EPB41L3: variants seen among roughly 807,000 people sequenced by gnomAD.
EPB41L3 encodes erythrocyte membrane protein band 4.1 like 3.
EPB41L3 carries 57 observed loss-of-function variants against 127.1 expected under a neutral mutation model. The ratio of observed to expected loss-of-function variants is 0.45; its 90% CI spans 0.36 to 0.56. EPB41L3 has a LOEUF of 0.56. Among genes scored for constraint, EPB41L3 ranks in the 20% least tolerant of loss-of-function variants. The pLI, the probability that EPB41L3 is intolerant of heterozygous loss-of-function variation, is 0.00. For synonymous variants in EPB41L3, 572 were observed against 549.5 expected, an observed-to-expected ratio of 1.04 and a Z score of -0.57; for missense variants, 1,273 against 1,372.2, an observed-to-expected ratio of 0.93 and a Z score of 1.14.
In EPB41L3 at chr18:5,397,293, T is replaced by C. The variant is rs1388132249; in HGVS notation, c.2606A>G (p.Asp869Gly). 1 of 1,613,862 alleles carries C rather than the reference T, an allele frequency of 6.2e-7. No homozygotes were observed. Among genetic ancestry groups the C allele is most frequent in the Non-Finnish European group, 8.5e-7 (1 of 1,179,986 alleles). ...EERRVVHASG[D>G]ASYSAGDSGD... ...GCTGTCTCCCGCCGAGTAAGAAGCATCCCCACTCGCGTGCACCACACGCCG... is the reference window on the plus strand; with the variant it reads ...GCTGTCTCCCGCCGAGTAAGAAGCACCCCCACTCGCGTGCACCACACGCCG... The change falls in exon 18 of 23, where the codon GAT becomes GGT. Residue 869 changes from aspartate (D) to glycine (G), a missense_variant. Asp to Gly is a moderately conservative substitution (Grantham distance 94). This residue lies in a region of EPB41L3 where 765 missense variants were observed against 782.9 expected (regional missense o/e 0.98). Transcript: ENST00000341928. This position sits in a 1 kb window ranked among gnomAD's most constrained non-coding sequence, Gnocchi z 4.1.
chr18:5,491,212 T>TA (rs1358691660), intron 1 of EPB41L3, among the ~76,000 whole-genome samples: 1 of 152,184 alleles, frequency 6.6e-6, no homozygotes, highest in Admixed American at 6.5e-5. Flanking sequence ...GTGCAGGTCT[T>TA]AAACCCAGTC....
Position 5,572,767 on chromosome 18 carries a change from T to C in EPB41L3, c.-306+39573A>G, listed in dbSNP as rs369284548. Among the ~76,000 whole-genome samples the C allele has an allele frequency of 1.8e-3, 279 of 152,156 alleles. 1 individual carries two copies. The highest frequency in any genetic ancestry group is 0.012 in the South Asian group (58 of 4,812). On this transcript the variant is annotated intron_variant, in intron 3 of 21. Transcript: ENST00000545076. The stretch of plus-strand genomic sequence containing the variant: ...TTTTTAAAATTTTGTAAAGACCGGG[T>C]CTTGCTATGTTGCCCAGGCTTATCT...
chr18:5,444,346 T>C (rs1014489466), intron 4 of EPB41L3, among the ~76,000 whole-genome samples: 4 of 152,200 alleles, frequency 2.6e-5, no homozygotes, highest in African/African-American at 9.7e-5. Flanking sequence ...TGATTTCCGA[T>C]TTTCCTCATT....
chr18:5,488,909 T>C (rs2090228526), intron 2 of EPB41L3, 92 bp downstream of exon 2: 3 of 1,383,300 alleles, frequency 2.2e-6, no homozygotes, highest in African/African-American at 1.5e-5. Context: ...TGACCCCTCA[T>C]AGCTGCCTCT....
chr18:5,477,196 G>A (rs2087417188), intron 3 of EPB41L3, among the ~76,000 whole-genome samples: 1 of 152,220 alleles, frequency 6.6e-6, no homozygotes, highest in Non-Finnish European at 1.5e-5. Context: ...TTGGGAGACA[G>A]AGGAAGCAGA....
intron 3 of EPB41L3, among the ~76,000 whole-genome samples, chr18:5,462,090 A>T (rs929692429): frequency 6.6e-6 from 1 of 152,204 alleles, no homozygotes; most frequent in Non-Finnish European, 1.5e-5. Flanking sequence ...AATTTCAGAT[A>T]AACATTTAAG....
chr18:5,419,948 T>G (rs771462631), intron 11 of EPB41L3, 71 bp from the exon 12 acceptor site: 1 of 1,610,820 alleles, frequency 6.2e-7, no homozygotes. Context: ...GCAAATACAA[T>G]TAAAGAAATA....
upstream of EPB41L3, among the ~76,000 whole-genome samples, chr18:5,547,620 C>T (rs1300430090): frequency 6.6e-6 from 1 of 152,148 alleles, no homozygotes; most frequent in Non-Finnish European, 1.5e-5. Context: ...CACCAGCTAT[C>T]AAGAATTCTA....
Position 5,607,014 on chromosome 18 carries a change from C to T in EPB41L3, c.-306+5326G>A, listed in dbSNP as rs867531049. 1.7e-4 allele frequency among the ~76,000 whole-genome samples: 26 copies of T among 151,966 alleles called. No individual in the cohort carries two copies. The Middle Eastern group carries it at 0.01, about 60-fold the overall frequency. On this transcript the variant is annotated intron_variant, in intron 3 of 21. Transcript: ENST00000545076. ...TGAATAACATTGCTATCATGGTAAA[C>T]GTGAATCCAGTCTATTTTACTGAAA...
At chr18:5,425,058 T>C (rs941947780) in intron 9 of EPB41L3, among the ~76,000 whole-genome samples, 1 of 152,220 alleles carries the variant, frequency 6.6e-6, no homozygotes, top group Non-Finnish European at 1.5e-5. Flanking sequence ...TATACTTTAT[T>C]ACTGCAGATG....
intron 3 of EPB41L3, among the ~76,000 whole-genome samples, chr18:5,458,816 G>C (rs1234533991): frequency 2.6e-5 from 4 of 152,088 alleles, no homozygotes; most frequent in Non-Finnish European, 2.9e-5. Context: ...TGACATAACT[G>C]GGCACGTATT....
chr18:5,606,866 G>T (rs998065140), intron 3 of EPB41L3, among the ~76,000 whole-genome samples: 1 of 146,406 alleles, frequency 6.8e-6, no homozygotes, highest in African/African-American at 2.6e-5. Flanking sequence ...CCTAACACCT[G>T]CCCACCATGG....
chr18:5,511,650 CCAG>C, intron 1 of EPB41L3, among the ~76,000 whole-genome samples: 4 of 151,574 alleles, frequency 2.6e-5, no homozygotes, highest in African/African-American at 9.7e-5. Flanking sequence ...GAGGTGATCC[CCAG>C]TGCTTAGTTC....
chr18:5,557,825 G>A (rs2094062023), intron 3 of EPB41L3, among the ~76,000 whole-genome samples: 1 of 152,108 alleles, frequency 6.6e-6, no homozygotes, highest in Admixed American at 6.5e-5. Context: ...ATTTTGCACT[G>A]GGCTAATAAA....
At chr18:5,400,914 C>A in intron 16 of EPB41L3, 1 of 1,073,918 alleles carries the variant, frequency 9.3e-7, no homozygotes. Flanking sequence ...ATTTTAATGA[C>A]ACTGAAGTCT....
chr18:5,556,555 A>G (rs1216196922), intron 3 of EPB41L3, among the ~76,000 whole-genome samples: 1 of 152,196 alleles, frequency 6.6e-6, no homozygotes, highest in Non-Finnish European at 1.5e-5. Flanking sequence ...ACTGATTCAC[A>G]TTTGCTCCCT....
rs775861937 is a variant in EPB41L3, at chr18:5,433,455, A to T, written c.912+14T>A. The T allele has an allele frequency of 2.5e-6, 4 of 1,592,410 alleles. No homozygotes were observed. The highest frequency in any genetic ancestry group is 2.6e-6 in the Non-Finnish European group (3 of 1,162,900). ...ATATTAAATTGAAAGTTTAGGGTTT[A>T]AAAAGATGCATACCTTAGCATGATG... is the stretch of plus-strand genomic sequence containing the variant. On this transcript the variant is annotated intron_variant, in intron 8 of 22. Coordinates refer to ENST00000341928, the MANE Select transcript of EPB41L3 (RefSeq NM_012307.5).
intron 2 of EPB41L3, 116 bp from the exon 3 acceptor site, chr18:5,478,554 G>T: frequency 1.2e-6 from 1 of 838,614 alleles, no homozygotes; most frequent in Non-Finnish European, 1.9e-6. Context: ...ATTGAATTAG[G>T]ATATTAGGAA....
chr18:5,534,031 C>T (rs1346921990), intron 1 of EPB41L3, among the ~76,000 whole-genome samples: 6 of 152,068 alleles, frequency 3.9e-5, no homozygotes, highest in African/African-American at 1.2e-4. Flanking sequence ...GGCGTGGTGG[C>T]GGGCGCCTGT....
Sources: gnomAD v4.1 joint callset for allele counts (sites outside exome capture counted in the v4.1 genomes callset) on GRCh38, gnomAD v4.1.1 for gene constraint, gnomAD v4.1.1 regional missense constraint, Gnocchi (gnomAD v3.1) non-coding constraint, MANE v1.5 for transcripts, NCBI Gene and HGNC (gene_info 2026-07-23, HGNC 2026-07-21) for gene names.